CPNE5: variants seen among roughly 807,000 people sequenced by gnomAD.
CPNE5 encodes copine-5.
A neutral mutation model predicts 81.1 loss-of-function variants in CPNE5; 42 were observed. The observed-to-expected ratio is 0.52, with a 90% CI of 0.40 to 0.67. The LOEUF is 0.67. Ranked by LOEUF, CPNE5 falls within the 30% of genes least tolerant of loss-of-function variation. CPNE5 has a pLI of 0.00. For missense variants in CPNE5, 612 were observed against 815.5 expected, an observed-to-expected ratio of 0.75 and a Z score of 3.04; for synonymous variants, 313 against 321.5, an observed-to-expected ratio of 0.97 and a Z score of 0.28.
At chr6:36,824,542 C>A (rs531270456) in intron 1 of CPNE5, among the ~76,000 whole-genome samples, 45 of 152,360 alleles carry the variant, frequency 3.0e-4, no homozygotes, top group Admixed American at 4.6e-4. Flanking sequence ...TTGTCACCTT[C>A]CTTCTCTACT....
chr6:36,791,584 A>G (rs1769095869), intron 8 of CPNE5, among the ~76,000 whole-genome samples: 1 of 151,832 alleles, frequency 6.6e-6, no homozygotes, highest in African/African-American at 2.4e-5. Flanking sequence ...GCACAGACAC[A>G]CTCCATCCGC....
intron 2 of CPNE5, among the ~76,000 whole-genome samples, chr6:36,822,450 G>C (rs565320321): frequency 6.6e-6 from 1 of 152,260 alleles, no homozygotes; most frequent in South Asian, 2.1e-4. Context: ...GCCTGGAAGG[G>C]GCAACCTTTA....
At chr6:36,803,287 T>G (rs1484617706) in intron 3 of CPNE5, among the ~76,000 whole-genome samples, 1 of 152,208 alleles carries the variant, frequency 6.6e-6, no homozygotes. Context: ...CAATTCCTAA[T>G]GCTTGGAGCC....
chr6:36,755,889 A>T, intron 13 of CPNE5: 1 of 305,232 alleles, frequency 3.3e-6, no homozygotes, highest in Admixed American at 4.7e-5. Flanking sequence ...GGGGATGATA[A>T]TATCTGCCTC....
chr6:36,816,026 G>C (rs1462139142), intron 3 of CPNE5, among the ~76,000 whole-genome samples: 1 of 152,212 alleles, frequency 6.6e-6, no homozygotes, highest in Non-Finnish European at 1.5e-5. Context: ...CCTCTTCCCA[G>C]TGGAAGCATT....
At chr6:36,803,342 T>G (rs1392577398) in intron 3 of CPNE5, among the ~76,000 whole-genome samples, 1 of 152,154 alleles carries the variant, frequency 6.6e-6, no homozygotes, top group Non-Finnish European at 1.5e-5. Flanking sequence ...ACCCCTCCTG[T>G]GTGCGCCCAT....
intron 3 of CPNE5, among the ~76,000 whole-genome samples, chr6:36,802,112 A>T (rs1426306740): frequency 1.3e-5 from 2 of 149,698 alleles, no homozygotes; most frequent in Non-Finnish European, 3.0e-5. Flanking sequence ...CCAGCTACTC[A>T]GGAGGCTGAA....
In CPNE5 at chr6:36,775,082, G is replaced by A; in HGVS notation, c.633-17C>T. On this transcript the variant is annotated splice_polypyrimidine_tract_variant and intron_variant, in intron 9 of 20. Transcript: ENST00000244751. The stretch of plus-strand genomic sequence containing the variant: ...ATGGTGAACCTGGTGAAGAAGAAGA[G>A]AGGGAAAGGCTGTCAGGCCCAAACC... 1 of 1,605,194 alleles carries A rather than the reference G, an allele frequency of 6.2e-7. No homozygotes were observed. The highest frequency in any genetic ancestry group is 8.5e-7 in the Non-Finnish European group (1 of 1,172,014).
At chr6:36,832,609 G>C (rs1011410451) in intron 1 of CPNE5, among the ~76,000 whole-genome samples, 4 of 152,154 alleles carry the variant, frequency 2.6e-5, no homozygotes. Flanking sequence ...AAGACGACTG[G>C]GTCCTTGATG....
At chr6:36,744,662 T>C in intron 18 of CPNE5, 1 of 479,360 alleles carries the variant, frequency 2.1e-6, no homozygotes, top group Non-Finnish European at 3.8e-6. Context: ...GAGCCTCCCC[T>C]CCCACTCCTT....
intron 1 of CPNE5, chr6:36,827,222 C>G (rs145299233): frequency 1.7e-6 from 1 of 584,316 alleles, no homozygotes; most frequent in Non-Finnish European, 2.2e-6. Flanking sequence ...TATGTCCCTG[C>G]GCCCTACACC....
intron 9 of CPNE5, 127 bp from the exon 10 acceptor site, chr6:36,775,192 G>A: frequency 1.4e-6 from 1 of 693,324 alleles, no homozygotes; most frequent in Non-Finnish European, 2.6e-6. Context: ...GCTTCAAAAG[G>A]TGATGAGCTG....
At chr6:36,774,766 C>T (rs983639142) in intron 10 of CPNE5, among the ~76,000 whole-genome samples, 195 bp downstream of exon 10, 20 of 152,084 alleles carry the variant, frequency 1.3e-4, no homozygotes, top group Admixed American at 3.9e-4. Context: ...CAGACATTGC[C>T]GGGTGCAGCA....
chr6:36,838,643 C>T (rs1773745728), intron 1 of CPNE5: 2 of 439,042 alleles, frequency 4.6e-6, no homozygotes, highest in South Asian at 1.9e-4. Context: ...AGATTTTTGA[C>T]CCAAGTTATT....
intron 3 of CPNE5, among the ~76,000 whole-genome samples, chr6:36,804,992 A>T (rs1334235644): frequency 6.6e-6 from 1 of 151,216 alleles, no homozygotes; most frequent in East Asian, 1.9e-4. Context: ...AGCCTTCATT[A>T]CTTGGACGAA....
Position 36,746,209 on chromosome 6 carries a change from G to A in CPNE5, c.1200+187C>T, listed in dbSNP as rs1397323707. The A allele has an allele frequency of 1.0e-6, 1 of 985,220 alleles. No homozygotes were observed. The highest frequency in any genetic ancestry group is 1.7e-5 in the African/African-American group (1 of 57,218). 61.0% of individuals were successfully genotyped at this position (985,220 alleles called of 1,614,324 possible). A position where few individuals can be genotyped will look rare whatever the true frequency, so the allele number is the denominator to read the frequency against. The stretch of plus-strand genomic sequence containing the variant: ...GGCAGGCAGCTTCAGACATGGAGGG[G>A]CAGCATCTGTGATCAGGGAAGGGAG... On this transcript the variant is annotated intron_variant, in intron 16 of 20. Transcript: ENST00000244751. The surrounding 1 kb of genome is among the most constrained non-coding windows in gnomAD (Gnocchi z 4.5).
intron 6 of CPNE5, among the ~76,000 whole-genome samples, chr6:36,796,967 G>C (rs1179321090): frequency 6.6e-6 from 1 of 152,158 alleles, no homozygotes; most frequent in Non-Finnish European, 1.5e-5. Context: ...TTGGAGTACA[G>C]TAGCCCAATC....
intron 1 of CPNE5, among the ~76,000 whole-genome samples, chr6:36,835,262 C>T (rs1171337385): frequency 6.6e-6 from 1 of 152,170 alleles, no homozygotes; most frequent in Non-Finnish European, 1.5e-5. Context: ...GGGCCAGATC[C>T]CTGCGTGGAG....
At chr6:36,810,367 T>G (rs1338483176) in intron 3 of CPNE5, among the ~76,000 whole-genome samples, 2 of 152,238 alleles carry the variant, frequency 1.3e-5, no homozygotes, top group Admixed American at 1.3e-4. Context: ...CATATATTAT[T>G]GATGGCTCCT....
Sources: gnomAD v4.1 joint callset for allele counts (sites outside exome capture counted in the v4.1 genomes callset) on GRCh38, gnomAD v4.1.1 for gene constraint, Gnocchi (gnomAD v3.1) non-coding constraint, MANE v1.5 for transcripts, NCBI Gene and HGNC (gene_info 2026-07-23, HGNC 2026-07-21) for gene names.